RBPMS: variants seen among roughly 807,000 people sequenced by gnomAD.
The protein encoded by RBPMS is RNA binding protein, mRNA processing factor.
RBPMS carries 7 observed loss-of-function variants against 26.8 expected under a neutral mutation model. That is an observed-to-expected ratio of 0.26 (90% CI 0.15 to 0.49). The LOEUF (loss-of-function observed/expected upper bound fraction) is 0.49. Among genes scored for constraint, RBPMS ranks in the 20% least tolerant of loss-of-function variants. RBPMS has a pLI of 0.98. For missense variants in RBPMS, 186 were observed against 250.0 expected, an observed-to-expected ratio of 0.74 and a Z score of 1.73; for synonymous variants, 96 against 93.3, an observed-to-expected ratio of 1.03 and a Z score of -0.17.
chr8:30,440,048 T>C (rs994524175), intron 1 of RBPMS, among the ~76,000 whole-genome samples: 1 of 152,130 alleles, frequency 6.6e-6, no homozygotes, highest in African/African-American at 2.4e-5. Flanking sequence ...AATCAGTCAT[T>C]CGATCAATCA....
intron 5 of RBPMS, among the ~76,000 whole-genome samples, chr8:30,527,934 G>A (rs959263106): frequency 2.0e-5 from 3 of 152,136 alleles, no homozygotes; most frequent in African/African-American, 7.2e-5. Context: ...CCAGCACTTC[G>A]GGAAGCCAAG....
chr8:30,500,213 GTCT>G (rs1279757168), intron 4 of RBPMS, among the ~76,000 whole-genome samples: 6 of 152,020 alleles, frequency 3.9e-5, no homozygotes, highest in Non-Finnish European at 8.8e-5. Context: ...CCACTAAGTT[GTCT>G]GCTATTATTA....
intron 4 of RBPMS, among the ~76,000 whole-genome samples, chr8:30,496,077 C>G (rs1330151268): frequency 6.6e-6 from 1 of 152,106 alleles, no homozygotes; most frequent in Non-Finnish European, 1.5e-5. Context: ...TGGGACTATC[C>G]TGCTCCTTTT....
intron 1 of RBPMS, among the ~76,000 whole-genome samples, chr8:30,393,980 A>G (rs977125417): frequency 1.9e-5 from 2 of 102,638 alleles, no homozygotes; most frequent in Non-Finnish European, 3.9e-5. Context: ...GACGGTGCAT[A>G]TTGTGTAAAT....
At chr8:30,511,485 AAATATATATATATATATATAT>A (rs1271711916) in intron 5 of RBPMS, among the ~76,000 whole-genome samples, 190 of 6,144 alleles carry the variant, frequency 0.031, 4 homozygotes, top group Admixed American at 0.056. Flanking sequence ...AAAAAAAAAA[AAATATATATATATATATATAT>A]ATATATATAT....
chr8:30,506,333 G>GT (rs1346660235), intron 5 of RBPMS, among the ~76,000 whole-genome samples: 1 of 70,956 alleles, frequency 1.4e-5, no homozygotes, highest in Admixed American at 1.9e-4. Flanking sequence ...CAAATTTGAA[G>GT]TTTAAAAAAA....
At position 30,544,633 on chromosome 8, in the gene RBPMS, T is replaced by G. The variant is rs1825712979; in HGVS notation, c.528+9T>G. 5.6e-6 allele frequency: 9 copies of G among 1,613,838 alleles called. No individual in the cohort carries two copies. Among genetic ancestry groups the G allele is most frequent in the Non-Finnish European group, 7.6e-6 (9 of 1,180,038 alleles). On this transcript the variant is annotated intron_variant, in intron 6 of 8. Coordinates refer to ENST00000397323, the MANE Select transcript of RBPMS (RefSeq NM_001008710.3). ...CTTCACTGCATGCCCAGGTAATTGA[T>G]ACCCATCGGCCAGGACTTCACTCAC... is the stretch of plus-strand genomic sequence containing the variant.
At chr8:30,416,010 G>A (rs1282976761) in intron 1 of RBPMS, among the ~76,000 whole-genome samples, 1 of 152,212 alleles carries the variant, frequency 6.6e-6, no homozygotes, top group Non-Finnish European at 1.5e-5. Flanking sequence ...CCATTGCAAT[G>A]TGGGATTTTC....
At chr8:30,488,818 A>G (rs1400960836) in intron 4 of RBPMS, among the ~76,000 whole-genome samples, 2 of 152,220 alleles carry the variant, frequency 1.3e-5, no homozygotes, top group Non-Finnish European at 2.9e-5. Flanking sequence ...GTAAAAAGGT[A>G]CTAAATTTGT....
Position 30,431,343 on chromosome 8 carries a change from C to CT in RBPMS, c.67-43427dup, listed in dbSNP as rs576852304. 8.7e-3 allele frequency among the ~76,000 whole-genome samples: 1,060 copies of CT among 122,464 alleles called. 5 individuals are homozygous for CT. The highest frequency in any genetic ancestry group is 0.028 in the Middle Eastern group (7 of 252). 80.3% of individuals were successfully genotyped at this position (122,464 alleles called of 152,430 possible). A position where few individuals can be genotyped will look rare whatever the true frequency, so the allele number is the denominator to read the frequency against. ...TCTTTCTTTCTCCTTTCTTTCTTTT[C>CT]TTTTTTTTTCTTTCTCTTTCTTTCT... On this transcript the variant is annotated intron_variant, in intron 1 of 8. Coordinates refer to ENST00000397323, the MANE Select transcript of RBPMS (RefSeq NM_001008710.3).
At chr8:30,393,055 TAAA>T (rs1807974772) in intron 1 of RBPMS, among the ~76,000 whole-genome samples, 1 of 152,162 alleles carries the variant, frequency 6.6e-6, no homozygotes, top group Admixed American at 6.5e-5. Flanking sequence ...AGAGTCATGT[TAAA>T]AAGTGTTTGG....
chr8:30,533,229 G>A (rs1585791450), intron 5 of RBPMS, among the ~76,000 whole-genome samples: 1 of 152,082 alleles, frequency 6.6e-6, no homozygotes, highest in African/African-American at 2.4e-5. Flanking sequence ...TATTCACTGC[G>A]ATCATGGAGT....
chr8:30,462,501 C>A (rs1816032705), intron 1 of RBPMS, among the ~76,000 whole-genome samples: 1 of 151,958 alleles, frequency 6.6e-6, no homozygotes, highest in South Asian at 2.1e-4. Context: ...TCGGCTCACT[C>A]CAACCTCCTC....
intron 4 of RBPMS, among the ~76,000 whole-genome samples, chr8:30,483,599 T>TA (rs888963188): frequency 2.0e-5 from 3 of 152,124 alleles, no homozygotes; most frequent in Admixed American, 2.0e-4. Context: ...TTTTTTTAAT[T>TA]ACGGTAAAAT....
rs34489233 is a variant in RBPMS at position 30,410,143 on chromosome 8, TACACACACACACACACACAC to T, written c.66+25014_66+25033del. On this transcript the variant is annotated intron_variant, in intron 1 of 8. Coordinates refer to ENST00000397323, the MANE Select transcript of RBPMS (RefSeq NM_001008710.3). ...AGCTTACATTCTGGGTGACTTAAAA[TACACACACACACACACACAC>T]ACACACACACACACACACACACACA... Among the ~76,000 whole-genome samples the T allele has an allele frequency of 4.5e-3, 597 of 132,198 alleles. 9 individuals carry two copies. The highest frequency in any genetic ancestry group is 0.015 in the African/African-American group (539 of 36,654). 86.7% of individuals were successfully genotyped at this position (132,198 alleles called of 152,430 possible). A position where few individuals can be genotyped will look rare whatever the true frequency, so the allele number is the denominator to read the frequency against.
rs563897649 is a variant in RBPMS, at chr8:30,510,647, A to G, written c.397+6211A>G. 1.1e-3 allele frequency among the ~76,000 whole-genome samples: 168 copies of G among 152,228 alleles called. 1 individual carries two copies. The highest frequency in any genetic ancestry group is 1.3e-3 in the Non-Finnish European group (86 of 68,014). ...TCCCAGGCAGGAGTTCAGTGGCACA[A>G]TCATGGCTCCCTGCAGCTTTGACCT... On this transcript the variant is annotated intron_variant, in intron 5 of 8. Transcript: ENST00000397323.
At chr8:30,550,799 C>T (rs1183454716) in intron 6 of RBPMS, among the ~76,000 whole-genome samples, 1 of 152,228 alleles carries the variant, frequency 6.6e-6, no homozygotes, top group African/African-American at 2.4e-5. Context: ...GAACCCCCTT[C>T]TGACAGGAAA....
rs1826128992 is a variant in RBPMS, at chr8:30,549,554, G to T, written c.528+4930G>T. The T allele has an allele frequency of 2.5e-6, 4 of 1,614,032 alleles. No homozygotes were observed. In the Admixed American group the frequency reaches 5.0e-5, roughly 20 times the overall value. On this transcript the variant is annotated intron_variant, in intron 6 of 8. Coordinates refer to ENST00000397323, the MANE Select transcript of RBPMS (RefSeq NM_001008710.3). Reference sequence around the variant, plus strand: ...CCACCCCTTGAGCGCTCCGTCTCCTGATAGTGCCAGCCTGGCCTGGTTTCC... The same window carrying T: ...CCACCCCTTGAGCGCTCCGTCTCCTTATAGTGCCAGCCTGGCCTGGTTTCC...
At chr8:30,464,356 A>G (rs1816267471) in intron 1 of RBPMS, among the ~76,000 whole-genome samples, 1 of 152,208 alleles carries the variant, frequency 6.6e-6, no homozygotes, top group Non-Finnish European at 1.5e-5. Flanking sequence ...CTGACCTGGC[A>G]CCAAGGAATT....
Sources: gnomAD v4.1 joint callset for allele counts (sites outside exome capture counted in the v4.1 genomes callset) on GRCh38, gnomAD v4.1.1 for gene constraint, MANE v1.5 for transcripts, NCBI Gene and HGNC (gene_info 2026-07-23, HGNC 2026-07-21) for gene names.